IQANK1: variants seen among roughly 807,000 people sequenced by gnomAD.
IQANK1 encodes IQ motif and ankyrin repeat domain-containing protein 1.
IQANK1 carries 30 observed loss-of-function variants against 22.6 expected under a neutral mutation model. The ratio of observed to expected loss-of-function variants is 1.33; its 90% CI spans 0.99 to 1.80. IQANK1 has a LOEUF of 1.80. Ranked by LOEUF, IQANK1 falls within the 40% of genes most tolerant of loss-of-function variation. The pLI is 0.00. For missense variants in IQANK1, 275 were observed against 235.2 expected, an observed-to-expected ratio of 1.17 and a Z score of -1.11; for synonymous variants, 122 against 99.6, an observed-to-expected ratio of 1.23 and a Z score of -1.34.
At chr8:143,780,377 A>T (rs1819775208) in intron 7 of IQANK1, among the ~76,000 whole-genome samples, 1 of 152,102 alleles carries the variant, frequency 6.6e-6, no homozygotes, top group Non-Finnish European at 1.5e-5. Flanking sequence ...AAGGTTTGTT[A>T]TGCAGGTGAC....
intron 2 of IQANK1, chr8:143,739,603 C>G (rs1156800919): frequency 1.0e-5 from 4 of 401,572 alleles, no homozygotes; most frequent in Non-Finnish European, 1.8e-5. Context: ...CTTGGGCCCA[C>G]AAGAGCCCAG....
In IQANK1 at chr8:143,758,469, GA is replaced by G. The variant is rs1301554082; in HGVS notation, c.176-13009del. ...CAAGAGCGAAACTCCATCTCAAAAA[GA>G]AAAAAAAAAGAAGATGAAACATTTT... On this transcript the variant is annotated intron_variant, in intron 3 of 13. Transcript: ENST00000527139. The surrounding 1 kb of genome is among the most constrained non-coding windows in gnomAD (Gnocchi z 4.2). The G allele has an allele frequency of 1.2e-4, 17 of 145,208 alleles. No homozygotes were observed. Among genetic ancestry groups the G allele is most frequent in the Non-Finnish European group, 1.8e-4 (12 of 65,800 alleles). The allele number at this position is 145,208 out of a possible 1,614,324, so 9.0% of individuals were successfully genotyped here.
In IQANK1 at chr8:143,772,393, T is replaced by G. The variant is rs1819597133; in HGVS notation, c.700T>G (p.Phe234Val). ...FGPTPLYRAAFGGHLAAVEVL... is the reference protein window; with the variant it reads ...FGPTPLYRAAVGGHLAAVEVL... Reference sequence around the variant, plus strand: ...TCCGACGCCGCTGTACCGTGCAGCCTTTGGGGGCCACCTGGCAGCTGTGGA... The same window carrying G: ...TCCGACGCCGCTGTACCGTGCAGCCGTTGGGGGCCACCTGGCAGCTGTGGA... The change falls in exon 7 of 14, where the codon TTT becomes GTT. Residue 234 changes from phenylalanine to valine, a missense_variant. Transcript: ENST00000527139. The G allele has an allele frequency of 7.5e-6, 3 of 399,260 alleles. No homozygotes were observed. Among genetic ancestry groups the G allele is most frequent in the Non-Finnish European group, 1.3e-5 (3 of 226,376 alleles). The allele number at this position is 399,260 out of a possible 1,614,324, so 24.7% of individuals were successfully genotyped here. A position where few individuals can be genotyped will look rare whatever the true frequency, so the allele number is the denominator to read the frequency against.
In IQANK1 at chr8:143,788,942, G is replaced by A. The variant is rs1418315238; in HGVS notation, c.817G>A (p.Val273Met). The change falls in exon 8 of 14, where the codon GTG (valine) becomes ATG (methionine). Residue 273 changes from valine (V) to methionine (M), a missense_variant. Physicochemically the swap from Val to Met is conservative, Grantham distance 21 (BLOSUM62 1). Coordinates refer to ENST00000527139, the MANE Select transcript of IQANK1 (RefSeq NM_001381874.1). The stretch of plus-strand genomic sequence containing the variant: ...GGCCTCACTGGACACAGTGGTGAGC[G>A]TGCTGCGCTCGTGGGACCTGAGCCT... ...RVASLDTVVS[V>M]LRSWDLSLTE... The A allele has an allele frequency of 1.1e-4, 45 of 399,242 alleles. No individual in the cohort carries two copies. Among genetic ancestry groups the A allele is most frequent in the East Asian group, 7.8e-4 (22 of 28,082 alleles). 24.7% of individuals were successfully genotyped at this position (399,242 alleles called of 1,614,324 possible).
intron 3 of IQANK1, chr8:143,746,440 T>TCA (rs1819035248): frequency 6.6e-6 from 1 of 152,176 alleles, no homozygotes; most frequent in South Asian, 2.1e-4. Flanking sequence ...TGGAGTGCAG[T>TCA]GGTGTAATCC....
At chr8:143,749,636 C>T (rs1554627837) in intron 3 of IQANK1, among the ~76,000 whole-genome samples, 6 of 141,798 alleles carry the variant, frequency 4.2e-5, no homozygotes, top group African/African-American at 1.5e-4. Flanking sequence ...CACTCTGTTG[C>T]CCAGGCTGGA....
At chr8:143,761,041 C>G (rs1343425626) in intron 3 of IQANK1, among the ~76,000 whole-genome samples, 2 of 152,302 alleles carry the variant, frequency 1.3e-5, no homozygotes, top group Non-Finnish European at 1.5e-5. Context: ...GCGCGCGGGC[C>G]CTGAAGACCC....
At chr8:143,741,653 G>T in intron 3 of IQANK1, 1 of 152,566 alleles carries the variant, frequency 6.6e-6, no homozygotes, top group Non-Finnish European at 1.5e-5. Flanking sequence ...GGCACTTAGC[G>T]TGGAGGGCGT....
At chr8:143,781,806 G>A (rs2129939588) in intron 7 of IQANK1, among the ~76,000 whole-genome samples, 1 of 152,236 alleles carries the variant, frequency 6.6e-6, no homozygotes, top group Non-Finnish European at 1.5e-5. Context: ...GGGCTTTTTG[G>A]TTCCATATGA....
At chr8:143,753,893 C>T (rs561212791) in intron 3 of IQANK1, among the ~76,000 whole-genome samples, 1 of 152,040 alleles carries the variant, frequency 6.6e-6, no homozygotes, top group Non-Finnish European at 1.5e-5. Flanking sequence ...GGAAATCAGA[C>T]TCTCCTCCTT....
Position 143,789,924 on chromosome 8 carries a change from G to A in IQANK1, c.1196-47G>A, listed in dbSNP as rs538632793. 64 of 1,231,924 alleles carry A rather than the reference G, an allele frequency of 5.2e-5. 1 individual carries two copies. In the South Asian group the frequency reaches 2.2e-3, roughly 43 times the overall value. 76.3% of individuals were successfully genotyped at this position (1,231,924 alleles called of 1,614,324 possible). A position where few individuals can be genotyped will look rare whatever the true frequency, so the allele number is the denominator to read the frequency against. On this transcript the variant is annotated intron_variant, in intron 11 of 13. Coordinates refer to ENST00000527139, the MANE Select transcript of IQANK1 (RefSeq NM_001381874.1). Reference sequence around the variant, plus strand: ...GCTGGGACATACAGCCCAGGGCGGGGTCCGGCGTCGGGCTTGCCTGTCAGC... The same window carrying A: ...GCTGGGACATACAGCCCAGGGCGGGATCCGGCGTCGGGCTTGCCTGTCAGC...
intron 3 of IQANK1, among the ~76,000 whole-genome samples, chr8:143,752,037 C>T (rs1819205704): frequency 6.6e-6 from 1 of 152,010 alleles, no homozygotes; most frequent in African/African-American, 2.4e-5. Context: ...ACAATCTTGG[C>T]TCACCGCAAC....
chr8:143,743,050 C>T, intron 3 of IQANK1: 1 of 456,078 alleles, frequency 2.2e-6, no homozygotes, highest in Non-Finnish European at 4.4e-6. Flanking sequence ...GGCCCTGTGC[C>T]TGTGTCCCGT....
intron 3 of IQANK1, among the ~76,000 whole-genome samples, chr8:143,766,434 G>A (rs1230611895): frequency 6.6e-6 from 1 of 152,134 alleles, no homozygotes; most frequent in African/African-American, 2.4e-5. Flanking sequence ...ACTTTGGGAG[G>A]CTGAGGTGGG....
intron 2 of IQANK1, among the ~76,000 whole-genome samples, chr8:143,737,703 C>A (rs1330558585): frequency 6.6e-6 from 1 of 152,186 alleles, no homozygotes; most frequent in Non-Finnish European, 1.5e-5. Flanking sequence ...TCCAGGGCCA[C>A]GGCCAGCTGC....
intron 3 of IQANK1, among the ~76,000 whole-genome samples, chr8:143,767,853 C>G (rs1197857978): frequency 6.1e-5 from 9 of 147,008 alleles, no homozygotes; most frequent in Non-Finnish European, 1.2e-4. Flanking sequence ...CCACTGCACT[C>G]CAGCCTGGAC....
intron 3 of IQANK1, among the ~76,000 whole-genome samples, chr8:143,765,603 T>G (rs1321556453): frequency 6.6e-6 from 1 of 152,238 alleles, no homozygotes; most frequent in Non-Finnish European, 1.5e-5. Context: ...CTTTGACATA[T>G]GCAGAAGTTC....
At chr8:143,753,272 C>T (rs1170551566) in intron 3 of IQANK1, among the ~76,000 whole-genome samples, 4 of 152,012 alleles carry the variant, frequency 2.6e-5, no homozygotes, top group Non-Finnish European at 4.4e-5. Context: ...CCTCAGCCTC[C>T]CAAGGTGCTG....
chr8:143,751,678 A>ATATATATATATATATATATATATATATAT (rs1554628061), intron 3 of IQANK1, among the ~76,000 whole-genome samples: 6 of 139,166 alleles, frequency 4.3e-5, no homozygotes, highest in Admixed American at 7.6e-5. Flanking sequence ...ATATATATAT[A>ATATATATATATATATATATATATATATAT]AAATCCTATA....
Sources: gnomAD v4.1 joint callset for allele counts (sites outside exome capture counted in the v4.1 genomes callset) on GRCh38, gnomAD v4.1.1 for gene constraint, Gnocchi (gnomAD v3.1) non-coding constraint, MANE v1.5 for transcripts, NCBI Gene and HGNC (gene_info 2026-07-23, HGNC 2026-07-21) for gene names.